FSTL4: variants seen among roughly 807,000 people sequenced by gnomAD.
The protein encoded by FSTL4 is follistatin like 4, also known as follistatin-related protein 4.
Under a neutral mutation model 78.2 loss-of-function variants are expected in FSTL4, and 28 were observed. That is an observed-to-expected ratio of 0.36 (90% CI 0.27 to 0.49). FSTL4 has a LOEUF of 0.49. Ranked by LOEUF, FSTL4 falls within the 20% of genes least tolerant of loss-of-function variation. The pLI is 0.98. For synonymous variants in FSTL4, 422 were observed against 440.5 expected, an observed-to-expected ratio of 0.96 and a Z score of 0.53; for missense variants, 922 against 1,084.9, an observed-to-expected ratio of 0.85 and a Z score of 2.11.
chr5:133,770,709 G>A, the FSTL4 span, among the ~76,000 whole-genome samples: 1 of 152,096 alleles, frequency 6.6e-6, no homozygotes, highest in East Asian at 1.9e-4. Flanking sequence ...CTGTGCAGAA[G>A]TTTTTAGTTT....
intron 4 of FSTL4, among the ~76,000 whole-genome samples, chr5:133,378,664 A>T (rs570665776): frequency 6.6e-6 from 1 of 152,272 alleles, no homozygotes; most frequent in African/African-American, 2.4e-5. Context: ...TAACATTTCT[A>T]TATCTCACAG....
the FSTL4 span, among the ~76,000 whole-genome samples, chr5:133,803,327 G>T: frequency 6.6e-6 from 1 of 152,152 alleles, no homozygotes; most frequent in South Asian, 2.1e-4. Flanking sequence ...AGTGTCTAAG[G>T]TGTCTAAGAT....
At chr5:133,730,101 T>C in the FSTL4 span, among the ~76,000 whole-genome samples, 3 of 152,202 alleles carry the variant, frequency 2.0e-5, no homozygotes, top group Non-Finnish European at 4.4e-5. Context: ...AGGAGACTGA[T>C]GTGAGGTTAG....
At chr5:133,693,404 T>C in the FSTL4 span, among the ~76,000 whole-genome samples, 1 of 152,304 alleles carries the variant, frequency 6.6e-6, no homozygotes, top group Non-Finnish European at 1.5e-5. Flanking sequence ...ATTTTTTGCA[T>C]CCTCCCAAAT....
intron 3 of FSTL4, among the ~76,000 whole-genome samples, chr5:133,487,359 C>A (rs1378842344): frequency 1.3e-5 from 2 of 152,180 alleles, no homozygotes; most frequent in Non-Finnish European, 2.9e-5. Context: ...CTTCCTTCTG[C>A]AATCTGAGCT....
rs140213663 is a variant in FSTL4, at chr5:133,535,709, C to T, written c.160+31477G>A. On this transcript the variant is annotated intron_variant, in intron 3 of 15. Transcript: ENST00000265342. ...TAGCGCTGCTAGGTTAGGGTCTCCC[C>T]GACCGAGCTGTTCTCGGCAGAGAAC... is the stretch of plus-strand genomic sequence containing the variant. Among the ~76,000 whole-genome samples the T allele has an allele frequency of 6.7e-3, 1,024 of 152,220 alleles. 14 individuals are homozygous for T. The highest frequency in any genetic ancestry group is 0.023 in the African/African-American group (936 of 41,532).
the FSTL4 span, among the ~76,000 whole-genome samples, chr5:133,810,758 A>G: frequency 6.6e-6 from 1 of 152,146 alleles, no homozygotes; most frequent in Admixed American, 6.5e-5. Context: ...TATTATGCAA[A>G]TGGGGTCTTT....
intron 2 of FSTL4, among the ~76,000 whole-genome samples, chr5:133,578,352 A>T (rs559431657): frequency 6.6e-6 from 1 of 152,324 alleles, no homozygotes; most frequent in African/African-American, 2.4e-5. Flanking sequence ...TGAGGAAGCC[A>T]CCCGGATACT....
chr5:133,316,124 G>A (rs1018540683), intron 5 of FSTL4, among the ~76,000 whole-genome samples: 3 of 152,304 alleles, frequency 2.0e-5, no homozygotes, highest in East Asian at 1.9e-4. Flanking sequence ...CCAGGTTATA[G>A]CTCCAATGGT....
intron 3 of FSTL4, among the ~76,000 whole-genome samples, chr5:133,501,685 T>C (rs912770008): frequency 7.2e-5 from 11 of 152,324 alleles, no homozygotes; most frequent in African/African-American, 2.2e-4. Context: ...GACCAATGAA[T>C]ATGATGAAGT....
chr5:133,525,863 C>G (rs755811137), intron 3 of FSTL4, among the ~76,000 whole-genome samples: 2 of 152,180 alleles, frequency 1.3e-5, no homozygotes, highest in Non-Finnish European at 2.9e-5. Flanking sequence ...CTGGTTTACT[C>G]CATCAGCCAG....
intron 3 of FSTL4, among the ~76,000 whole-genome samples, chr5:133,413,803 T>A (rs1294957536): frequency 6.6e-6 from 1 of 152,320 alleles, no homozygotes; most frequent in African/African-American, 2.4e-5. Context: ...TCTTCAGCTA[T>A]TTCTAACCTA....
the FSTL4 span, among the ~76,000 whole-genome samples, chr5:133,762,711 G>A: frequency 6.6e-6 from 1 of 152,166 alleles, no homozygotes; most frequent in Non-Finnish European, 1.5e-5. Context: ...ATAGCAACCA[G>A]GACTCCATGC....
chr5:133,551,792 G>A (rs2112929253), intron 3 of FSTL4, among the ~76,000 whole-genome samples: 1 of 152,316 alleles, frequency 6.6e-6, no homozygotes, highest in Middle Eastern at 3.4e-3. Context: ...ATATTTAGAT[G>A]TAACAAAATA....
At chr5:133,561,090 AAAT>A (rs369652665) in intron 3 of FSTL4, among the ~76,000 whole-genome samples, 28,794 of 130,902 alleles carry the variant, frequency 0.22, 3,200 homozygotes, top group Middle Eastern at 0.28. Flanking sequence ...CTCGGACTCA[AAAT>A]AATAATAATA....
the FSTL4 span, among the ~76,000 whole-genome samples, chr5:133,630,162 G>C: frequency 6.6e-6 from 1 of 152,276 alleles, no homozygotes; most frequent in African/African-American, 2.4e-5. Flanking sequence ...TCAGGCAAGA[G>C]AAAGAAATAA....
intron 4 of FSTL4, among the ~76,000 whole-genome samples, chr5:133,332,992 CCTCTCTCTCTCTGT>C (rs1276405603): frequency 4.2e-4 from 64 of 151,346 alleles, no homozygotes; most frequent in African/African-American, 1.5e-3. Context: ...GTGCAGGTGT[CCTCTCTCTCTCTGT>C]CTCTCTCTCT....
intron 6 of FSTL4, among the ~76,000 whole-genome samples, chr5:133,292,555 C>CAAAA (rs35459497): frequency 6.9e-6 from 1 of 145,434 alleles, no homozygotes. Flanking sequence ...ACCTGTGAAT[C>CAAAA]AAAAAAAAAA....
At chr5:133,640,748 A>C in the FSTL4 span, among the ~76,000 whole-genome samples, 8 of 152,194 alleles carry the variant, frequency 5.3e-5, no homozygotes, top group Non-Finnish European at 7.3e-5. Flanking sequence ...CTCACCCTGC[A>C]TGTATGTACA....
Sources: allele counts gnomAD v4.1 joint callset (sites outside exome capture counted in the v4.1 genomes callset), GRCh38; gene constraint gnomAD v4.1.1; transcripts MANE v1.5; gene names NCBI Gene and HGNC (gene_info 2026-07-23, HGNC 2026-07-21).